The following ZNF675 variants were observed in gnomAD, a reference collection of about 807,000 sequenced individuals.
ZNF675 encodes TRAF6 inhibitory zinc finger.
ZNF675 carries 36 observed loss-of-function variants against 56.1 expected under a neutral mutation model. The observed-to-expected ratio is 0.64, with a 90% CI of 0.49 to 0.85. The LOEUF is 0.85. ZNF675 is among the 40% of genes least tolerant of loss of function. The probability of loss-of-function intolerance (pLI) is 0.00; values close to 1 mark genes in which losing one functional copy is unlikely to be tolerated. For synonymous variants in ZNF675, 200 were observed against 218.9 expected, an observed-to-expected ratio of 0.91 and a Z score of 0.76; for missense variants, 663 against 654.2, an observed-to-expected ratio of 1.01 and a Z score of -0.15.
chr19:23,653,759 C>A lies in ZNF675; in HGVS notation c.1174G>T (p.Glu392Ter). 6.2e-7 allele frequency: 1 copy of A among 1,613,616 alleles called. No individual in the cohort carries two copies. The highest frequency in any genetic ancestry group is 1.1e-5 in the South Asian group (1 of 91,050). The change falls in exon 4 of 4, where the codon GAA becomes TAA. Residue 392 changes from glutamate (E) to a stop codon, truncating the protein, a stop_gained. Coordinates refer to ENST00000359788, the MANE Select transcript of ZNF675 (RefSeq NM_138330.3). LOFTEE classifies it high-confidence loss of function. ...NLTEHRKIHT[E>*]EKPYKCKECG... ...TCTTTACATTTGTAGGGTTTCTCTTCGGTATGAATTTTCCTATGTTCCGTA... is the reference window on the plus strand; with the variant it reads ...TCTTTACATTTGTAGGGTTTCTCTTAGGTATGAATTTTCCTATGTTCCGTA...
intron 1 of ZNF675, 96 bp downstream of exon 1, chr19:23,686,935 C>G (rs2144805121): frequency 2.7e-6 from 4 of 1,456,158 alleles, no homozygotes; most frequent in South Asian, 2.3e-5. Flanking sequence ...GATTGTGGAG[C>G]TGACTGCGGG....
At chr19:23,678,027 G>T (rs1213676833) in intron 1 of ZNF675, among the ~76,000 whole-genome samples, 1 of 151,522 alleles carries the variant, frequency 6.6e-6, no homozygotes, top group Non-Finnish European at 1.5e-5. Flanking sequence ...GTCTGAGGCA[G>T]ATGAATCACT....
intron 1 of ZNF675, among the ~76,000 whole-genome samples, chr19:23,686,774 C>G (rs1045676902): frequency 6.6e-6 from 1 of 152,168 alleles, no homozygotes; most frequent in Non-Finnish European, 1.5e-5. Flanking sequence ...TGCGGCGCTG[C>G]GGGTACAGAG....
At chr19:23,655,697 A>G (rs1599407853) in intron 3 of ZNF675, 3 of 152,346 alleles carry the variant, frequency 2.0e-5, no homozygotes. Flanking sequence ...CATCCAAGCC[A>G]TATCACAGAC....
rs1351125726 is a variant in ZNF675 at position 23,653,537 on chromosome 19, T to G, written c.1396A>C (p.Lys466Gln). 8 of 1,613,146 alleles carry G rather than the reference T, an allele frequency of 5.0e-6. No homozygotes were observed. Among genetic ancestry groups the G allele is most frequent in the Non-Finnish European group, 5.9e-6 (7 of 1,179,780 alleles). ...ECGKAFIQSSKLTEHKKIHSG... is the reference protein window; with the variant it reads ...ECGKAFIQSSQLTEHKKIHSG... ...TGAATTTTCTTATGTTCAGTAAGTT[T>G]TGAGGATTGGATAAAAGCTTTGCCA... Residue 466 changes from lysine to glutamine, a missense_variant, in exon 4 of 4, where the codon AAA (lysine) becomes CAA (glutamine). Lys to Gln is a moderately conservative substitution (Grantham distance 53, BLOSUM62 1). This residue lies in a region of ZNF675 where 617 missense variants were observed against 590.5 expected (regional missense o/e 1.04). Coordinates refer to ENST00000359788, the MANE Select transcript of ZNF675 (RefSeq NM_138330.3).
At chr19:23,664,075 A>G (rs1008433245) in intron 1 of ZNF675, among the ~76,000 whole-genome samples, 3 of 152,176 alleles carry the variant, frequency 2.0e-5, no homozygotes, top group Admixed American at 1.3e-4. Flanking sequence ...AGTTTTTATA[A>G]GTAGTTAAAA....
chr19:23,676,659 T>C (rs962578530), intron 1 of ZNF675, among the ~76,000 whole-genome samples: 1 of 151,842 alleles, frequency 6.6e-6, no homozygotes, highest in African/African-American at 2.4e-5. Context: ...TTAACATCCT[T>C]CATGTTATAA....
intron 3 of ZNF675, among the ~76,000 whole-genome samples, chr19:23,660,556 A>C (rs1007379107): frequency 2.6e-5 from 4 of 152,228 alleles, no homozygotes; most frequent in Non-Finnish European, 2.9e-5. Context: ...AGGGTTCCAT[A>C]AACTTAAACT....
intron 1 of ZNF675, among the ~76,000 whole-genome samples, chr19:23,685,185 G>A (rs764947002): frequency 6.6e-6 from 1 of 152,036 alleles, no homozygotes; most frequent in South Asian, 2.1e-4. Flanking sequence ...GGCTGGTCGC[G>A]AACTCCTGAC....
chr19:23,685,217 G>T (rs982214065), intron 1 of ZNF675, among the ~76,000 whole-genome samples: 2 of 152,140 alleles, frequency 1.3e-5, no homozygotes, highest in Admixed American at 6.5e-5. Flanking sequence ...CACCGCCTCA[G>T]ACTCCCAAAG....
rs1051468044 is a variant in ZNF675, at chr19:23,664,635, T to C, written c.4-1477A>G. On this transcript the variant is annotated intron_variant, in intron 1 of 3. Transcript: ENST00000359788. ...CTCATACTTGATTTTGGCCTCATGT[T>C]AGAGTCACAAGAGGCACTTAATTAA... Among the ~76,000 whole-genome samples, 7 of 152,202 alleles carry C rather than the reference T, an allele frequency of 4.6e-5. 1 individual carries two copies. The highest frequency in any genetic ancestry group is 1.5e-5 in the Non-Finnish European group (1 of 68,030).
intron 1 of ZNF675, among the ~76,000 whole-genome samples, chr19:23,679,009 T>C (rs1968339105): frequency 6.6e-6 from 1 of 150,570 alleles, no homozygotes; most frequent in Non-Finnish European, 1.5e-5. Context: ...TACTAAAAAA[T>C]ACAAAAAATT....
At chr19:23,658,938 T>C (rs1374928703) in intron 3 of ZNF675, among the ~76,000 whole-genome samples, 1 of 53,688 alleles carries the variant, frequency 1.9e-5, no homozygotes, top group South Asian at 7.7e-4. Flanking sequence ...TACCGATCTA[T>C]AGATATAGAT....
At chr19:23,658,796 TAG>T (rs1325207468) in intron 3 of ZNF675, 1 of 129,706 alleles carries the variant, frequency 7.7e-6, no homozygotes, top group Non-Finnish European at 1.7e-5. Flanking sequence ...TATATATCTA[TAG>T]ATATCTATAG....
chr19:23,660,968 T>C (rs1308061423), intron 3 of ZNF675, among the ~76,000 whole-genome samples: 1 of 148,800 alleles, frequency 6.7e-6, no homozygotes, highest in African/African-American at 2.5e-5. Context: ...TCCCACTCTA[T>C]AGCCAGGCTG....
intron 1 of ZNF675, among the ~76,000 whole-genome samples, chr19:23,674,919 C>T (rs1322050400): frequency 6.6e-6 from 1 of 150,914 alleles, no homozygotes; most frequent in Admixed American, 6.6e-5. Flanking sequence ...TTGTAGTGGG[C>T]CAAGATCATG....
At chr19:23,676,816 T>C (rs1189637143) in intron 1 of ZNF675, among the ~76,000 whole-genome samples, 1 of 151,386 alleles carries the variant, frequency 6.6e-6, no homozygotes, top group Non-Finnish European at 1.5e-5. Flanking sequence ...GGCTCACGCC[T>C]GTAATCCCAG....
intron 1 of ZNF675, among the ~76,000 whole-genome samples, chr19:23,682,278 T>C (rs1968386932): frequency 6.6e-6 from 1 of 151,806 alleles, no homozygotes; most frequent in African/African-American, 2.4e-5. Flanking sequence ...TTTCACTCTC[T>C]ATTCACCATT....
chr19:23,663,002 A>C, intron 2 of ZNF675, 30 bp downstream of exon 2: 2 of 1,542,396 alleles, frequency 1.3e-6, no homozygotes, highest in Non-Finnish European at 1.7e-6. Flanking sequence ...ACAAAAAAAA[A>C]AAGAAACTGT....
Sources: allele counts gnomAD v4.1 joint callset (sites outside exome capture counted in the v4.1 genomes callset), GRCh38; gene constraint gnomAD v4.1.1; regional missense constraint gnomAD v4.1.1; transcripts MANE v1.5; gene names NCBI Gene and HGNC (gene_info 2026-07-23, HGNC 2026-07-21).